CAPZA2: variants seen among roughly 807,000 people sequenced by gnomAD.
CAPZA2 encodes the protein capping actin protein of muscle Z-line subunit alpha 2.
Under a neutral mutation model 44.0 loss-of-function variants are expected in CAPZA2, and 13 were observed. The ratio of observed to expected loss-of-function variants is 0.30; its 90% CI spans 0.19 to 0.47. CAPZA2 has a LOEUF of 0.47. Ranked by LOEUF, CAPZA2 falls within the 20% of genes least tolerant of loss-of-function variation. CAPZA2 has a pLI of 1.00. For missense variants in CAPZA2, 244 were observed against 338.6 expected (o/e 0.72, Z 2.19); for synonymous variants, 94 against 108.2 (o/e 0.87, Z 0.81).
At chr7:116,873,454 T>C (rs1424549670) in intron 1 of CAPZA2, 1 of 152,306 alleles carries the variant, frequency 6.6e-6, no homozygotes, top group Non-Finnish European at 1.5e-5. Context: ...TTACCATTTT[T>C]ATAGCTGCTT....
chr7:116,921,523 A>G lies in CAPZA2; in HGVS notation c.*3656A>G, dbSNP rs1468992650. 4.0e-5 allele frequency: 6 copies of G among 151,898 alleles called. No homozygotes were observed. The highest frequency in any genetic ancestry group is 7.3e-5 in the African/African-American group (3 of 41,276). 9.4% of individuals were successfully genotyped at this position (151,898 alleles called of 1,614,324 possible). On this transcript the variant is annotated 3_prime_UTR_variant, in exon 10 of 10. Coordinates refer to ENST00000361183, the MANE Select transcript of CAPZA2 (RefSeq NM_006136.3). Reference sequence around the variant, plus strand: ...TATGATGAAACCCCTTCTGTATTAAAAATACAAATATTAGCCGGGCATGGT... The same window carrying G: ...TATGATGAAACCCCTTCTGTATTAAGAATACAAATATTAGCCGGGCATGGT...
chr7:116,877,938 G>A lies in CAPZA2; in HGVS notation c.40-10189G>A, dbSNP rs145670219. Among the ~76,000 whole-genome samples the A allele has an allele frequency of 2.6e-5, 4 of 152,296 alleles. No individual in the cohort carries two copies. In the East Asian group the frequency reaches 7.7e-4, roughly 29 times the overall value. Reference sequence around the variant, plus strand: ...ATAACAATCCAGAAACAAAGTGCCTGGGTCTGAATAAAATGGAATGGAATC... The same window carrying A: ...ATAACAATCCAGAAACAAAGTGCCTAGGTCTGAATAAAATGGAATGGAATC... On this transcript the variant is annotated intron_variant, in intron 1 of 9. Transcript: ENST00000361183.
intron 1 of CAPZA2, among the ~76,000 whole-genome samples, chr7:116,882,411 T>C (rs1229213210): frequency 6.6e-5 from 10 of 152,202 alleles, no homozygotes. Flanking sequence ...AGATTCTTGT[T>C]TTATTCTGTG....
chr7:116,894,131 A>G (rs1796891501), intron 3 of CAPZA2, among the ~76,000 whole-genome samples: 1 of 152,208 alleles, frequency 6.6e-6, no homozygotes, highest in African/African-American at 2.4e-5. Flanking sequence ...TGGGAGGCCG[A>G]GGCAGGCGGA....
At chr7:116,900,242 G>C (rs1796979137) in intron 4 of CAPZA2, among the ~76,000 whole-genome samples, 1 of 151,798 alleles carries the variant, frequency 6.6e-6, no homozygotes, top group Non-Finnish European at 1.5e-5. Flanking sequence ...TGTAAAATTA[G>C]CTAGGTATGC....
chr7:116,892,033 A>T (rs191508747), intron 2 of CAPZA2, among the ~76,000 whole-genome samples: 2 of 152,354 alleles, frequency 1.3e-5, no homozygotes, highest in Admixed American at 1.3e-4. Flanking sequence ...TAACAAGTAT[A>T]TTTAACAATA....
At position 116,916,089 on chromosome 7, in the gene CAPZA2, A is replaced by G; in HGVS notation, c.687A>G (p.Ile229Met). 6.5e-7 allele frequency: 1 copy of G among 1,537,766 alleles called. No individual in the cohort carries two copies. Among genetic ancestry groups the G allele is most frequent in the Non-Finnish European group, 8.7e-7 (1 of 1,148,784 alleles). ...SNEVQTAKEF[I>M]KIVEAAENEY... ...AAGTGCAAACAGCAAAAGAATTTAT[A>G]AAGATTGTAGAAGCTGCAGAAAATG... Residue 229 changes from isoleucine to methionine, a missense_variant, in exon 9 of 10, where the codon ATA becomes ATG. Ile to Met is a conservative substitution (Grantham distance 10, BLOSUM62 1). Transcript: ENST00000361183.
At chr7:116,906,149 A>G (rs1041460356) in intron 5 of CAPZA2, 114 bp from the exon 6 acceptor site, 15 of 1,428,494 alleles carry the variant, frequency 1.1e-5, no homozygotes, top group Middle Eastern at 2.2e-4. Context: ...CCTACTTTGT[A>G]TTTTATGTGT....
At chr7:116,869,024 A>G (rs1361759764) in intron 1 of CAPZA2, among the ~76,000 whole-genome samples, 5 of 152,238 alleles carry the variant, frequency 3.3e-5, no homozygotes, top group African/African-American at 9.6e-5. Context: ...GTGTGAGAAT[A>G]CAGATATGAA....
chr7:116,885,073 T>C (rs1796744950), intron 1 of CAPZA2, among the ~76,000 whole-genome samples: 1 of 152,214 alleles, frequency 6.6e-6, no homozygotes, highest in Non-Finnish European at 1.5e-5. Flanking sequence ...AGTCCTCTGC[T>C]TACTGTTTTC....
intron 1 of CAPZA2, among the ~76,000 whole-genome samples, chr7:116,882,041 G>A (rs1424957123): frequency 6.6e-6 from 1 of 152,004 alleles, no homozygotes; most frequent in African/African-American, 2.4e-5. Flanking sequence ...TATACTCTCA[G>A]GGGGCACTTG....
chr7:116,900,509 G>C (rs1455658992), intron 4 of CAPZA2, among the ~76,000 whole-genome samples: 1 of 151,862 alleles, frequency 6.6e-6, no homozygotes, highest in African/African-American at 2.4e-5. Flanking sequence ...AGCAAGTAAG[G>C]ACCTGAAACT....
At chr7:116,903,233 A>AGAGTGTGTGT (rs372696249) in intron 4 of CAPZA2, among the ~76,000 whole-genome samples, 2,068 of 146,418 alleles carry the variant, frequency 0.014, 47 homozygotes, top group African/African-American at 0.047. Flanking sequence ...TGCAGAGAAG[A>AGAGTGTGTGT]GTGTGTGTGT....
At chr7:116,912,704 T>C (rs1296209198) in intron 8 of CAPZA2, among the ~76,000 whole-genome samples, 2 of 152,256 alleles carry the variant, frequency 1.3e-5, no homozygotes, top group Non-Finnish European at 2.9e-5. Flanking sequence ...TTTATGGACA[T>C]ACCACATTTT....
chr7:116,864,082 A>G (rs544066901), intron 1 of CAPZA2, among the ~76,000 whole-genome samples: 5 of 152,308 alleles, frequency 3.3e-5, no homozygotes, highest in South Asian at 2.1e-4. Context: ...ACAGTATTCA[A>G]TGTATAATCT....
At chr7:116,915,391 T>C (rs1791666705) in intron 8 of CAPZA2, 2 of 152,174 alleles carry the variant, frequency 1.3e-5, no homozygotes, top group Non-Finnish European at 2.9e-5. Context: ...GTAATTAAAC[T>C]TGACTAATAT....
chr7:116,885,327 GT>G (rs74806629), intron 1 of CAPZA2, among the ~76,000 whole-genome samples: 105 of 143,364 alleles, frequency 7.3e-4, no homozygotes, highest in African/African-American at 2.0e-3. Flanking sequence ...AAACACCTAT[GT>G]TTTTTTTTTT....
chr7:116,903,587 A>G (rs1447939212), intron 4 of CAPZA2, among the ~76,000 whole-genome samples: 1 of 152,246 alleles, frequency 6.6e-6, no homozygotes, highest in African/African-American at 2.4e-5. Flanking sequence ...ATATCAGATT[A>G]TACATTATGC....
intron 9 of CAPZA2, among the ~76,000 whole-genome samples, chr7:116,917,223 G>C (rs547782187): frequency 6.6e-6 from 1 of 151,756 alleles, no homozygotes; most frequent in Admixed American, 6.6e-5. Context: ...ATTATTATAG[G>C]CTTTTTCTTC....
Sources: allele counts gnomAD v4.1 joint callset (sites outside exome capture counted in the v4.1 genomes callset), GRCh38; gene constraint gnomAD v4.1.1; transcripts MANE v1.5; gene names NCBI Gene and HGNC (gene_info 2026-07-23, HGNC 2026-07-21).